Variants in INPP4A observed in about 807,000 individuals in gnomAD.
INPP4A encodes the protein inositol polyphosphate-4-phosphatase, type I, 107kD.
In INPP4A, 33 loss-of-function variants were observed where a neutral mutation model predicts 119.8. That is an observed-to-expected ratio of 0.28 (90% CI 0.21 to 0.37). The LOEUF (loss-of-function observed/expected upper bound fraction) is 0.37. Ranked by LOEUF, INPP4A falls within the 10% of genes least tolerant of loss-of-function variation. The probability of loss-of-function intolerance (pLI) is 1.00; values close to 1 mark genes in which losing one functional copy is unlikely to be tolerated. For synonymous variants in INPP4A, 496 were observed against 500.7 expected, an observed-to-expected ratio of 0.99 and a Z score of 0.12; for missense variants, 956 against 1,289.9, an observed-to-expected ratio of 0.74 and a Z score of 3.97.
At chr2:98,451,748 T>C (rs1473666345) in intron 1 of INPP4A, among the ~76,000 whole-genome samples, 3 of 152,150 alleles carry the variant, frequency 2.0e-5, no homozygotes, top group African/African-American at 7.2e-5. Flanking sequence ...AAAGGGTGTA[T>C]TCTCAAACCA....
chr2:98,535,908 G>C (rs1275417171), intron 6 of INPP4A, 63 bp downstream of exon 6: 5 of 843,014 alleles, frequency 5.9e-6, no homozygotes, highest in Non-Finnish European at 9.9e-6. Context: ...ATAATCGTTT[G>C]AATGAGAGAT....
chr2:98,565,674 T>G lies in INPP4A; in HGVS notation c.2187T>G (p.Leu729=). Residue 729 remains leucine, a synonymous_variant, in exon 20 of 25, where the codon CTT becomes CTG. Transcript: ENST00000409851. ...TGGCAATGCTGGAGGACATGAGCCT[T>G]GGGATCATGGACTTGAGGAACGTGA... ...EELAMLEDMS[L]GIMDLRNVTF... is the part of the protein sequence containing the mutation. The G allele has an allele frequency of 6.2e-7, 1 of 1,612,822 alleles. No homozygotes were observed. Among genetic ancestry groups the G allele is most frequent in the Non-Finnish European group, 8.5e-7 (1 of 1,179,104 alleles).
chr2:98,462,402 C>T (rs779793850), intron 1 of INPP4A, among the ~76,000 whole-genome samples: 26 of 152,210 alleles, frequency 1.7e-4, no homozygotes, highest in Non-Finnish European at 3.1e-4. Context: ...GAGCCGAGAT[C>T]GTGCCACTGC....
intron 24 of INPP4A, among the ~76,000 whole-genome samples, chr2:98,584,777 T>G (rs983377591): frequency 3.3e-5 from 5 of 152,238 alleles, no homozygotes; most frequent in Non-Finnish European, 7.3e-5. Context: ...CTTTTTAAAC[T>G]TAAAGTATTT....
chr2:98,538,871 A>G lies in INPP4A; in HGVS notation c.580-20A>G, dbSNP rs1474629634. On this transcript the variant is annotated intron_variant, in intron 8 of 24. Coordinates refer to ENST00000409851, the MANE Select transcript of INPP4A (RefSeq NM_001134225.2). ...TCTGAATCTCACAGTTTTCTTGTGC[A>G]TTTCCTTATACATTATCAGATGGTT... The G allele has an allele frequency of 6.7e-7, 1 of 1,493,236 alleles. No individual in the cohort carries two copies. The highest frequency in any genetic ancestry group is 9.3e-7 in the Non-Finnish European group (1 of 1,073,200). The allele number at this position is 1,493,236 out of a possible 1,614,324, so 92.5% of individuals were successfully genotyped here. A position where few individuals can be genotyped will look rare whatever the true frequency, so the allele number is the denominator to read the frequency against.
intron 1 of INPP4A, among the ~76,000 whole-genome samples, chr2:98,488,197 T>C (rs1679941974): frequency 6.6e-6 from 1 of 152,164 alleles, no homozygotes; most frequent in Non-Finnish European, 1.5e-5. Flanking sequence ...TGCAAGATAC[T>C]CCAGGCTCAT....
intron 24 of INPP4A, among the ~76,000 whole-genome samples, chr2:98,580,449 A>G (rs556421263): frequency 2.5e-4 from 38 of 152,358 alleles, no homozygotes; most frequent in African/African-American, 8.9e-4. Context: ...ACCATTGAAC[A>G]TGGAGTTGGG....
intron 1 of INPP4A, among the ~76,000 whole-genome samples, chr2:98,462,824 A>T (rs1673867460): frequency 6.6e-6 from 1 of 152,094 alleles, no homozygotes; most frequent in Non-Finnish European, 1.5e-5. Context: ...TCCAGCCAAC[A>T]CACAGACATT....
At chr2:98,500,552 G>A (rs565210398) in intron 1 of INPP4A, among the ~76,000 whole-genome samples, 19 of 152,300 alleles carry the variant, frequency 1.2e-4, no homozygotes, top group African/African-American at 4.6e-4. Context: ...TTGCAGTGGT[G>A]GGGGGAGATT....
At position 98,545,960 on chromosome 2, in the gene INPP4A, A is replaced by T; in HGVS notation, c.950-9A>T. ...GATGGCCTTTATCTTCTCCTATTCC[A>T]TTTCTTAGGGCCCTCGTTTAAAGCA... On this transcript the variant is annotated splice_polypyrimidine_tract_variant and intron_variant, in intron 11 of 24. Coordinates refer to ENST00000409851, the MANE Select transcript of INPP4A (RefSeq NM_001134225.2). 1 of 1,573,900 alleles carries T rather than the reference A, an allele frequency of 6.4e-7. No individual in the cohort carries two copies. Among genetic ancestry groups the T allele is most frequent in the Non-Finnish European group, 8.6e-7 (1 of 1,158,360 alleles).
intron 1 of INPP4A, among the ~76,000 whole-genome samples, chr2:98,454,759 G>A (rs1233811615): frequency 8.2e-6 from 1 of 121,782 alleles, no homozygotes; most frequent in African/African-American, 3.1e-5. Context: ...AAGGATGTGG[G>A]CGGGGGGTGG....
intron 1 of INPP4A, among the ~76,000 whole-genome samples, chr2:98,505,247 C>T (rs974422534): frequency 3.3e-5 from 5 of 152,220 alleles, no homozygotes; most frequent in South Asian, 2.1e-4. Flanking sequence ...TAGGAGGTGG[C>T]ATGGATGCCC....
rs1381925171 is a variant in INPP4A, at chr2:98,565,683, G to A, written c.2196G>A (p.Met732Ile). Reference protein sequence around the residue: ...AMLEDMSLGIMDLRNVTFKVT... With the variant: ...AMLEDMSLGIIDLRNVTFKVT... The stretch of plus-strand genomic sequence containing the variant: ...TGGAGGACATGAGCCTTGGGATCAT[G>A]GACTTGAGGAACGTGACCTTCAAAG... The change falls in exon 20 of 25, where the codon ATG becomes ATA. Residue 732 changes from methionine (M) to isoleucine (I), a missense_variant. Coordinates refer to ENST00000409851, the MANE Select transcript of INPP4A (RefSeq NM_001134225.2). 6.2e-7 allele frequency: 1 copy of A among 1,613,290 alleles called. No homozygotes were observed.
At chr2:98,486,645 A>G (rs1178317788) in intron 1 of INPP4A, among the ~76,000 whole-genome samples, 1 of 137,176 alleles carries the variant, frequency 7.3e-6, no homozygotes, top group African/African-American at 2.9e-5. Context: ...TTTTGCATAC[A>G]GGTTACATCA....
chr2:98,538,885 T>C lies in INPP4A; in HGVS notation c.580-6T>C. On this transcript the variant is annotated splice_region_variant and splice_polypyrimidine_tract_variant and intron_variant, in intron 8 of 24. Coordinates refer to ENST00000409851, the MANE Select transcript of INPP4A (RefSeq NM_001134225.2). The stretch of plus-strand genomic sequence containing the variant: ...TTTTCTTGTGCATTTCCTTATACAT[T>C]ATCAGATGGTTCTTCCTGTCGATGA... The C allele has an allele frequency of 1.9e-6, 3 of 1,571,174 alleles. No individual in the cohort carries two copies. Among genetic ancestry groups the C allele is most frequent in the Non-Finnish European group, 2.6e-6 (3 of 1,142,370 alleles).
At chr2:98,506,458 T>C (rs77128953) in intron 1 of INPP4A, among the ~76,000 whole-genome samples, 1 of 151,120 alleles carries the variant, frequency 6.6e-6, no homozygotes, top group Admixed American at 6.6e-5. Context: ...AGTCAAAACA[T>C]GTGGGCAGCA....
chr2:98,499,740 T>C (rs933764596), intron 1 of INPP4A, among the ~76,000 whole-genome samples: 5 of 152,248 alleles, frequency 3.3e-5, no homozygotes, highest in African/African-American at 4.8e-5. Flanking sequence ...AGAGAGTTCC[T>C]ATATGTCTCT....
chr2:98,532,654 G>C (rs1689462337), intron 4 of INPP4A, among the ~76,000 whole-genome samples: 1 of 152,104 alleles, frequency 6.6e-6, no homozygotes, highest in Admixed American at 6.6e-5. Context: ...GACAGCTACT[G>C]TACTAAATAT....
intron 1 of INPP4A, among the ~76,000 whole-genome samples, chr2:98,450,039 G>A (rs1026153940): frequency 6.6e-6 from 1 of 151,778 alleles, no homozygotes; most frequent in East Asian, 1.9e-4. Flanking sequence ...TGGAAGTTAC[G>A]GTAACTTTGA....
Sources: gnomAD v4.1 joint callset for allele counts (sites outside exome capture counted in the v4.1 genomes callset) on GRCh38, gnomAD v4.1.1 for gene constraint, MANE v1.5 for transcripts, NCBI Gene and HGNC (gene_info 2026-07-23, HGNC 2026-07-21) for gene names.